The following NKAIN3 variants were observed in gnomAD, a reference collection of about 807,000 sequenced individuals.
NKAIN3 encodes the protein sodium/potassium transporting ATPase interacting 3, also known as sodium/potassium-transporting ATPase subunit beta-1-interacting protein 3.
A neutral mutation model predicts 30.2 loss-of-function variants in NKAIN3; 25 were observed. The ratio of observed to expected loss-of-function variants is 0.83; its 90% CI spans 0.60 to 1.16. The LOEUF (loss-of-function observed/expected upper bound fraction) is 1.16. Ranked by LOEUF, NKAIN3 falls within the 50% of genes most tolerant of loss-of-function variation. NKAIN3 has a pLI of 0.00. For missense variants in NKAIN3, 225 were observed against 254.1 expected (o/e 0.89, Z 0.78); for synonymous variants, 91 against 89.6 (o/e 1.02, Z -0.09).
intron 3 of NKAIN3, among the ~76,000 whole-genome samples, chr8:62,732,461 A>T (rs1476505176): frequency 6.6e-6 from 1 of 152,082 alleles, no homozygotes; most frequent in African/African-American, 2.4e-5. Flanking sequence ...AGTCCACATT[A>T]TCTATGTAAT....
intron 4 of NKAIN3, among the ~76,000 whole-genome samples, chr8:62,771,207 C>T (rs960464241): frequency 6.6e-6 from 1 of 152,048 alleles, no homozygotes; most frequent in Non-Finnish European, 1.5e-5. Flanking sequence ...GTGGGAGGAT[C>T]GCTTGAGCCC....
intron 1 of NKAIN3, among the ~76,000 whole-genome samples, chr8:62,337,295 C>T (rs752902426): frequency 2.6e-5 from 4 of 151,924 alleles, no homozygotes; most frequent in Non-Finnish European, 4.4e-5. Flanking sequence ...ATATTTTGCC[C>T]GGAAATGGTA....
intron 3 of NKAIN3, among the ~76,000 whole-genome samples, chr8:62,659,540 CA>C (rs1812874767): frequency 6.6e-6 from 1 of 152,214 alleles, no homozygotes; most frequent in African/African-American, 2.4e-5. Context: ...ATTGTAACAA[CA>C]AGGGCTTTAT....
chr8:62,336,416 A>G (rs1176694505), intron 1 of NKAIN3, among the ~76,000 whole-genome samples: 2 of 151,998 alleles, frequency 1.3e-5, no homozygotes, highest in African/African-American at 4.8e-5. Flanking sequence ...AAAAAGTATC[A>G]CATATTTTCT....
chr8:62,463,378 A>G (rs1403441677), intron 1 of NKAIN3, among the ~76,000 whole-genome samples: 6 of 152,214 alleles, frequency 3.9e-5, no homozygotes, highest in Non-Finnish European at 7.3e-5. Context: ...TTAGCAGACA[A>G]ACAAAATCCC....
intron 4 of NKAIN3, among the ~76,000 whole-genome samples, chr8:62,875,293 G>C (rs1179601625): frequency 6.6e-6 from 1 of 152,004 alleles, no homozygotes; most frequent in Non-Finnish European, 1.5e-5. Context: ...TCTTCAAGGA[G>C]AACTACAAAC....
chr8:62,413,561 C>T (rs1804332397), intron 1 of NKAIN3, among the ~76,000 whole-genome samples: 1 of 152,080 alleles, frequency 6.6e-6, no homozygotes, highest in Non-Finnish European at 1.5e-5. Flanking sequence ...TTTCCCAATT[C>T]CATTTTAATC....
chr8:62,510,498 G>C (rs546824772), intron 1 of NKAIN3, among the ~76,000 whole-genome samples: 1 of 152,068 alleles, frequency 6.6e-6, no homozygotes, highest in South Asian at 2.1e-4. Context: ...TCCATCTCTA[G>C]GTCAATCGCT....
At chr8:62,273,987 G>A (rs1234206237) in intron 1 of NKAIN3, among the ~76,000 whole-genome samples, 2 of 152,080 alleles carry the variant, frequency 1.3e-5, no homozygotes. Flanking sequence ...TTTAGTAACA[G>A]AAAGATGACC....
intron 1 of NKAIN3, among the ~76,000 whole-genome samples, chr8:62,423,393 G>A (rs1804706940): frequency 6.7e-6 from 1 of 150,324 alleles, no homozygotes; most frequent in Admixed American, 6.7e-5. Context: ...TATAAAATCT[G>A]TGGTCATCTC....
At chr8:62,816,978 G>C (rs1056348171) in intron 4 of NKAIN3, among the ~76,000 whole-genome samples, 1 of 152,100 alleles carries the variant, frequency 6.6e-6, no homozygotes, top group Non-Finnish European at 1.5e-5. Context: ...TAGGAATATA[G>C]ACTTCTGGGG....
chr8:62,457,305 C>G (rs1332556629), intron 1 of NKAIN3, among the ~76,000 whole-genome samples: 1 of 152,126 alleles, frequency 6.6e-6, no homozygotes, highest in Non-Finnish European at 1.5e-5. Context: ...GGTTAAACTA[C>G]TGGTAAGTGT....
At chr8:62,434,803 C>A (rs1041097735) in intron 1 of NKAIN3, among the ~76,000 whole-genome samples, 1 of 152,156 alleles carries the variant, frequency 6.6e-6, no homozygotes, top group Non-Finnish European at 1.5e-5. Flanking sequence ...AATCTATAGA[C>A]CTCTCCTGAA....
At chr8:62,358,239 C>T (rs1044566949) in intron 1 of NKAIN3, among the ~76,000 whole-genome samples, 10 of 121,922 alleles carry the variant, frequency 8.2e-5, no homozygotes, top group Admixed American at 4.4e-4. Flanking sequence ...GATCTTATAC[C>T]TTTTTTTTTT....
chr8:62,330,592 C>G (rs150776736), intron 1 of NKAIN3, among the ~76,000 whole-genome samples: 1 of 152,042 alleles, frequency 6.6e-6, no homozygotes, highest in Admixed American at 6.6e-5. Context: ...ATTGACACCA[C>G]AGATCACTCA....
intron 3 of NKAIN3, among the ~76,000 whole-genome samples, chr8:62,691,215 G>C (rs1443829150): frequency 6.6e-6 from 1 of 152,136 alleles, no homozygotes; most frequent in African/African-American, 2.4e-5. Context: ...CATTGTAGAA[G>C]TGCTTTCAGC....
At chr8:62,598,937 C>T (rs529148042) in intron 3 of NKAIN3, among the ~76,000 whole-genome samples, 6 of 152,090 alleles carry the variant, frequency 3.9e-5, no homozygotes, top group African/African-American at 1.2e-4. Flanking sequence ...GCTGGATCAA[C>T]ATCTGCCTCT....
intron 1 of NKAIN3, among the ~76,000 whole-genome samples, chr8:62,338,440 C>G (rs1815636418): frequency 6.6e-6 from 1 of 151,768 alleles, no homozygotes; most frequent in Non-Finnish European, 1.5e-5. Context: ...TCTGCAAGGT[C>G]AAATAGAAGA....
intron 4 of NKAIN3, among the ~76,000 whole-genome samples, chr8:62,807,371 C>T (rs1408685808): frequency 6.6e-6 from 1 of 152,064 alleles, no homozygotes; most frequent in Non-Finnish European, 1.5e-5. Context: ...TATGGAATTA[C>T]ATGTAGATTA....
Sources: gnomAD v4.1 joint callset for allele counts (sites outside exome capture counted in the v4.1 genomes callset) on GRCh38, gnomAD v4.1.1 for gene constraint, MANE v1.5 for transcripts, NCBI Gene and HGNC (gene_info 2026-07-23, HGNC 2026-07-21) for gene names.